Variants in STXBP5L observed in about 807,000 individuals in gnomAD.
STXBP5L encodes syntaxin binding protein 5L.
In STXBP5L, 65 loss-of-function variants were observed where a neutral mutation model predicts 144.5. The ratio of observed to expected loss-of-function variants is 0.45; its 90% CI spans 0.37 to 0.55. The LOEUF is 0.55. Among genes scored for constraint, STXBP5L ranks in the 20% least tolerant of loss-of-function variants. The pLI, the probability that STXBP5L is intolerant of heterozygous loss-of-function variation, is 0.00. For missense variants in STXBP5L, 1,298 were observed against 1,405.5 expected (o/e 0.92, Z 1.22); for synonymous variants, 505 against 469.6 (o/e 1.08, Z -0.97).
chr3:121,042,078 AT>A (rs898143311), intron 4 of STXBP5L, among the ~76,000 whole-genome samples: 14 of 151,960 alleles, frequency 9.2e-5, no homozygotes, highest in Non-Finnish European at 1.5e-4. Flanking sequence ...CTGGCCATTA[AT>A]TTTTTTTCTA....
At chr3:121,000,570 A>G (rs372933608) in intron 3 of STXBP5L, among the ~76,000 whole-genome samples, 25 of 152,256 alleles carry the variant, frequency 1.6e-4, no homozygotes, top group African/African-American at 5.8e-4. Context: ...CTGAATCTTG[A>G]TGATCATTGC....
chr3:120,979,229 A>T (rs1576554307), intron 3 of STXBP5L, among the ~76,000 whole-genome samples: 1 of 152,080 alleles, frequency 6.6e-6, no homozygotes, highest in South Asian at 2.1e-4. Flanking sequence ...TGCTTTGTTT[A>T]CCTAAGCAAG....
rs2047356387 is a variant in STXBP5L, at chr3:121,421,707, A to C, written c.*2610A>C. 1 of 152,234 alleles carries C rather than the reference A, an allele frequency of 6.6e-6. No individual in the cohort carries two copies. The highest frequency in any genetic ancestry group is 2.4e-5 in the African/African-American group (1 of 41,468). 9.4% of individuals were successfully genotyped at this position (152,234 alleles called of 1,614,324 possible). A position where few individuals can be genotyped will look rare whatever the true frequency, so the allele number is the denominator to read the frequency against. On this transcript the variant is annotated 3_prime_UTR_variant, in exon 27 of 27. Coordinates refer to ENST00000471454, the MANE Select transcript of STXBP5L (RefSeq NM_001308330.2). Reference sequence around the variant, plus strand: ...GGAATCAGTGAAAAATAACAACTACAGAATATTTTAAGGCACACAGAGAAA... The same window carrying C: ...GGAATCAGTGAAAAATAACAACTACCGAATATTTTAAGGCACACAGAGAAA...
chr3:121,284,693 G>A (rs767057792), intron 19 of STXBP5L, among the ~76,000 whole-genome samples: 14 of 152,070 alleles, frequency 9.2e-5, no homozygotes, highest in Non-Finnish European at 1.9e-4. Flanking sequence ...TCTGACAAAT[G>A]AGAGAAGAAC....
At chr3:121,137,371 G>A (rs1417413230) in intron 7 of STXBP5L, among the ~76,000 whole-genome samples, 1 of 152,078 alleles carries the variant, frequency 6.6e-6, no homozygotes, top group Non-Finnish European at 1.5e-5. Flanking sequence ...TGATACCACA[G>A]AAATTCAAAG....
At position 121,253,010 on chromosome 3, in the gene STXBP5L, G is replaced by A. The variant is rs546579866; in HGVS notation, c.1442-1885G>A. On this transcript the variant is annotated intron_variant, in intron 15 of 26. Coordinates refer to ENST00000471454, the MANE Select transcript of STXBP5L (RefSeq NM_001308330.2). Reference sequence around the variant, plus strand: ...AGGGCCTCAGTCCCTCTTTTAAGGGGGCCATCTGATTAGGTTTTGGCTGTT... The same window carrying A: ...AGGGCCTCAGTCCCTCTTTTAAGGGAGCCATCTGATTAGGTTTTGGCTGTT... Among the ~76,000 whole-genome samples, 6 of 152,134 alleles carry A rather than the reference G, an allele frequency of 3.9e-5. 1 individual carries two copies. In the South Asian group the frequency reaches 1.2e-3, roughly 32 times the overall value.
chr3:121,249,464 G>A (rs148515051), intron 14 of STXBP5L, among the ~76,000 whole-genome samples: 535 of 152,162 alleles, frequency 3.5e-3, no homozygotes, highest in Non-Finnish European at 6.3e-3. Context: ...TGGCACTGTT[G>A]TAAGTGGTAC....
At chr3:121,215,910 C>A (rs937958412) in intron 10 of STXBP5L, among the ~76,000 whole-genome samples, 4 of 152,094 alleles carry the variant, frequency 2.6e-5, no homozygotes, top group African/African-American at 7.2e-5. Flanking sequence ...CCTTTTCATT[C>A]TTTTTTCTCT....
chr3:121,414,021 G>A (rs2047178689), intron 24 of STXBP5L, among the ~76,000 whole-genome samples: 1 of 152,042 alleles, frequency 6.6e-6, no homozygotes, highest in Non-Finnish European at 1.5e-5. Context: ...ACTCTACTTT[G>A]GAGCATTGTT....
chr3:120,994,668 G>A (rs544744864), intron 3 of STXBP5L, among the ~76,000 whole-genome samples: 26 of 152,104 alleles, frequency 1.7e-4, no homozygotes, highest in African/African-American at 4.8e-4. Context: ...CTGATGTGCC[G>A]TTTAATTGGG....
intron 3 of STXBP5L, among the ~76,000 whole-genome samples, chr3:120,968,236 T>C (rs1357733476): frequency 2.6e-5 from 4 of 151,212 alleles, no homozygotes; most frequent in African/African-American, 7.4e-5. Flanking sequence ...ACAGTCAGTC[T>C]CTCTCTTTAG....
intron 20 of STXBP5L, among the ~76,000 whole-genome samples, chr3:121,326,283 G>A (rs2044143818): frequency 6.6e-6 from 1 of 151,974 alleles, no homozygotes; most frequent in African/African-American, 2.4e-5. Flanking sequence ...GGGGAAAATT[G>A]CAACAAAATT....
chr3:121,109,458 G>A (rs145259443), intron 5 of STXBP5L, among the ~76,000 whole-genome samples: 1 of 152,060 alleles, frequency 6.6e-6, no homozygotes, highest in Non-Finnish European at 1.5e-5. Context: ...AGAACTTCTT[G>A]ATTTCTGCCT....
At chr3:121,055,473 T>G (rs924113510) in intron 5 of STXBP5L, among the ~76,000 whole-genome samples, 2 of 152,144 alleles carry the variant, frequency 1.3e-5, no homozygotes, top group Non-Finnish European at 2.9e-5. Flanking sequence ...CAGCCTTAGA[T>G]TGTTAAGTAA....
chr3:121,206,091 T>C (rs1453695536), intron 10 of STXBP5L, 90 bp downstream of exon 10: 2 of 723,170 alleles, frequency 2.8e-6, no homozygotes, highest in Non-Finnish European at 4.3e-6. Flanking sequence ...TTTAAAGTTT[T>C]ACAAAATTGT....
chr3:121,031,927 C>G (rs528766245), intron 3 of STXBP5L, among the ~76,000 whole-genome samples: 1 of 152,186 alleles, frequency 6.6e-6, no homozygotes, highest in Non-Finnish European at 1.5e-5. Context: ...TTTTGCCACT[C>G]ACTGAGATAG....
At chr3:120,947,467 A>T (rs1710934516) in intron 2 of STXBP5L, among the ~76,000 whole-genome samples, 1 of 151,826 alleles carries the variant, frequency 6.6e-6, no homozygotes, top group Non-Finnish European at 1.5e-5. Context: ...AAATTGAAAT[A>T]TAACCCACCC....
At position 121,087,505 on chromosome 3, in the gene STXBP5L, A is replaced by T. The variant is rs553726791; in HGVS notation, c.471-27420A>T. 2.0e-5 allele frequency among the ~76,000 whole-genome samples: 3 copies of T among 152,120 alleles called. No individual in the cohort carries two copies. The South Asian group carries it at 6.2e-4, about 32-fold the overall frequency. ...ATAATATAGTGTCTTCTTTCTAGTGATTCATGTTTGCACGATATATCTTTG... is the reference window on the plus strand; with the variant it reads ...ATAATATAGTGTCTTCTTTCTAGTGTTTCATGTTTGCACGATATATCTTTG... On this transcript the variant is annotated intron_variant, in intron 5 of 26. Transcript: ENST00000471454.
chr3:121,367,602 T>G (rs1413667907), intron 20 of STXBP5L, among the ~76,000 whole-genome samples: 2 of 138,708 alleles, frequency 1.4e-5, no homozygotes, highest in South Asian at 2.4e-4. Context: ...CTTGTTTTTT[T>G]TTTTTTTTTT....
Sources: gnomAD v4.1 joint callset for allele counts (sites outside exome capture counted in the v4.1 genomes callset) on GRCh38, gnomAD v4.1.1 for gene constraint, MANE v1.5 for transcripts, NCBI Gene and HGNC (gene_info 2026-07-23, HGNC 2026-07-21) for gene names.